Variants in SDK1 observed in about 807,000 individuals in gnomAD.
The protein encoded by SDK1 is protein sidekick-1.
In SDK1, 157 loss-of-function variants were observed where a neutral mutation model predicts 245.5. The ratio of observed to expected loss-of-function variants is 0.64; its 90% CI spans 0.56 to 0.73. SDK1 has a LOEUF of 0.73. Ranked by LOEUF, SDK1 falls within the 30% of genes least tolerant of loss-of-function variation. SDK1 has a pLI of 0.00. For synonymous variants in SDK1, 1,647 were observed against 1,278.5 expected (o/e 1.29, Z -6.15); for missense variants, 3,583 against 3,002.3 (o/e 1.19, Z -4.52).
At chr7:3,744,141 C>A (rs1042216359) in intron 4 of SDK1, among the ~76,000 whole-genome samples, 1 of 152,048 alleles carries the variant, frequency 6.6e-6, no homozygotes, top group African/African-American at 2.4e-5. Context: ...GAATGCTATT[C>A]CTAAGATTTT....
intron 5 of SDK1, among the ~76,000 whole-genome samples, chr7:3,854,026 A>AT (rs1214421194): frequency 6.6e-6 from 1 of 152,040 alleles, no homozygotes; most frequent in Non-Finnish European, 1.5e-5. Flanking sequence ...GCATTTTTTG[A>AT]TTTTTAGATT....
chr7:3,521,951 C>G (rs1562537508), intron 1 of SDK1, among the ~76,000 whole-genome samples: 1 of 151,998 alleles, frequency 6.6e-6, no homozygotes, highest in African/African-American at 2.4e-5. Context: ...ATCTGCAGGA[C>G]AGAGAGAAGG....
At position 4,148,195 on chromosome 7, in the gene SDK1, G is replaced by C. The variant is rs190035838; in HGVS notation, c.4424-1067G>C. ...CACAAGGGCCAGAACGTGTGCTTAC[G>C]GAGGCAAGTGCTGATGAAGTGAGAC... On this transcript the variant is annotated intron_variant, in intron 29 of 44. Coordinates refer to ENST00000404826, the MANE Select transcript of SDK1 (RefSeq NM_152744.4). Among the ~76,000 whole-genome samples, 539 of 152,304 alleles carry C rather than the reference G, an allele frequency of 3.5e-3. 7 individuals carry two copies. The highest frequency in any genetic ancestry group is 0.012 in the African/African-American group (512 of 41,562).
At chr7:3,861,754 T>C (rs1780697009) in intron 5 of SDK1, among the ~76,000 whole-genome samples, 4 of 152,254 alleles carry the variant, frequency 2.6e-5, no homozygotes, top group Middle Eastern at 3.4e-3. Context: ...AGTAGCAAAC[T>C]TCACATGGCT....
intron 1 of SDK1, among the ~76,000 whole-genome samples, chr7:3,596,117 A>G (rs1217897985): frequency 6.6e-6 from 1 of 152,084 alleles, no homozygotes; most frequent in African/African-American, 2.4e-5. Context: ...CAAATCTGAA[A>G]TGCTCCAGTG....
chr7:3,690,842 C>T (rs999123134), intron 4 of SDK1, among the ~76,000 whole-genome samples: 5 of 152,094 alleles, frequency 3.3e-5, no homozygotes, highest in African/African-American at 4.8e-5. Flanking sequence ...TAATACTTTG[C>T]GTGTATATAA....
At chr7:3,648,469 G>A (rs1201532087) in intron 4 of SDK1, among the ~76,000 whole-genome samples, 1 of 152,202 alleles carries the variant, frequency 6.6e-6, no homozygotes, top group Non-Finnish European at 1.5e-5. Context: ...CAACTTGCCA[G>A]TAATGATCTG....
At chr7:3,590,149 A>G (rs1780818694) in intron 1 of SDK1, among the ~76,000 whole-genome samples, 2 of 152,230 alleles carry the variant, frequency 1.3e-5, no homozygotes, top group Admixed American at 1.3e-4. Context: ...AGCTTATAGC[A>G]GGTAGCCTCA....
At chr7:3,474,110 T>G (rs1781271543) in intron 1 of SDK1, among the ~76,000 whole-genome samples, 3 of 137,136 alleles carry the variant, frequency 2.2e-5, no homozygotes, top group Admixed American at 7.3e-5. Flanking sequence ...TTTTTTTTTT[T>G]TTTTTTTTTT....
At chr7:3,590,148 C>A (rs780232008) in intron 1 of SDK1, among the ~76,000 whole-genome samples, 1 of 152,172 alleles carries the variant, frequency 6.6e-6, no homozygotes, top group Non-Finnish European at 1.5e-5. Context: ...AAGCTTATAG[C>A]AGGTAGCCTC....
intron 1 of SDK1, among the ~76,000 whole-genome samples, chr7:3,357,016 C>A (rs917993634): frequency 3.4e-5 from 5 of 145,518 alleles, no homozygotes; most frequent in Admixed American, 1.4e-4. Context: ...GATAGTGCCA[C>A]TGCACTCCAG....
intron 5 of SDK1, among the ~76,000 whole-genome samples, chr7:3,864,675 C>T (rs1481188046): frequency 1.3e-5 from 2 of 152,098 alleles, no homozygotes; most frequent in African/African-American, 2.4e-5. Context: ...ATGTGAGGGG[C>T]AGAGTTGGTG....
chr7:3,643,291 A>C (rs1782711110), intron 4 of SDK1: 1 of 145,628 alleles, frequency 6.9e-6, no homozygotes, highest in Non-Finnish European at 1.5e-5. Flanking sequence ...TCCTTTCCCT[A>C]AACCTCGTGA....
chr7:3,869,100 C>CA (rs1780894235), intron 5 of SDK1, among the ~76,000 whole-genome samples: 2 of 148,984 alleles, frequency 1.3e-5, no homozygotes, highest in Non-Finnish European at 1.5e-5. Context: ...TTTTTTCCCC[C>CA]AAAAAAGAGG....
intron 1 of SDK1, among the ~76,000 whole-genome samples, chr7:3,618,673 T>A (rs1003717318): frequency 6.6e-6 from 1 of 152,260 alleles, no homozygotes; most frequent in African/African-American, 2.4e-5. Flanking sequence ...CTTACTTTTT[T>A]AAAACCAATT....
chr7:3,637,962 A>G (rs905788799), intron 2 of SDK1, among the ~76,000 whole-genome samples: 1 of 152,248 alleles, frequency 6.6e-6, no homozygotes, highest in Non-Finnish European at 1.5e-5. Context: ...GACACAAGAC[A>G]TCGTGTTAAG....
intron 4 of SDK1, among the ~76,000 whole-genome samples, chr7:3,644,805 A>C (rs1468613333): frequency 6.7e-6 from 1 of 149,650 alleles, no homozygotes; most frequent in African/African-American, 2.5e-5. Flanking sequence ...AAAAACAACA[A>C]CAACGGCGGG....
intron 17 of SDK1, among the ~76,000 whole-genome samples, chr7:4,020,533 C>T (rs980916918): frequency 6.6e-5 from 10 of 152,134 alleles, no homozygotes; most frequent in Admixed American, 5.2e-4. Flanking sequence ...GCAATGCTTG[C>T]CTGGCTCTGG....
chr7:3,421,130 G>T (rs2128580905), intron 1 of SDK1, among the ~76,000 whole-genome samples: 1 of 147,236 alleles, frequency 6.8e-6, no homozygotes, highest in African/African-American at 2.6e-5. Flanking sequence ...GGAGTGCAGT[G>T]GCGTGATCTT....
Sources: allele counts gnomAD v4.1 joint callset (sites outside exome capture counted in the v4.1 genomes callset), GRCh38; gene constraint gnomAD v4.1.1; transcripts MANE v1.5; gene names NCBI Gene and HGNC (gene_info 2026-07-23, HGNC 2026-07-21).